SLC39A11: variants seen among roughly 807,000 people sequenced by gnomAD.
SLC39A11 encodes the protein solute carrier family 39 member 11.
A neutral mutation model predicts 36.1 loss-of-function variants in SLC39A11; 33 were observed. The ratio of observed to expected loss-of-function variants is 0.91; its 90% CI spans 0.69 to 1.22. The LOEUF is 1.22. Ranked by LOEUF, SLC39A11 falls within the 50% of genes most tolerant of loss-of-function variation. The probability of loss-of-function intolerance (pLI) is 0.00; values close to 1 mark genes in which losing one functional copy is unlikely to be tolerated. For missense variants in SLC39A11, 432 were observed against 430.3 expected (o/e 1.00, Z -0.03); for synonymous variants, 166 against 170.3 (o/e 0.97, Z 0.20).
intron 6 of SLC39A11, among the ~76,000 whole-genome samples, chr17:72,811,079 A>AC (rs1314184061): frequency 2.6e-5 from 4 of 152,234 alleles, no homozygotes; most frequent in African/African-American, 4.8e-5. Flanking sequence ...AAAAAAAAAA[A>AC]AACATTGTTT....
At chr17:72,954,033 G>A (rs566574309) in intron 4 of SLC39A11, among the ~76,000 whole-genome samples, 2 of 152,192 alleles carry the variant, frequency 1.3e-5, no homozygotes, top group South Asian at 4.1e-4. Flanking sequence ...CAGTCTCTTC[G>A]TTTTTTTAAA....
intron 6 of SLC39A11, among the ~76,000 whole-genome samples, chr17:72,805,116 G>T (rs1156538774): frequency 6.6e-6 from 1 of 152,052 alleles, no homozygotes; most frequent in Non-Finnish European, 1.5e-5. Flanking sequence ...TAAATACCAG[G>T]TCTGTTCTTA....
chr17:72,944,532 A>AACAC (rs11440745), intron 5 of SLC39A11, among the ~76,000 whole-genome samples: 2 of 151,162 alleles, frequency 1.3e-5, no homozygotes, highest in Admixed American at 6.6e-5. Flanking sequence ...TTGCCTTTCA[A>AACAC]ACACACACAC....
At chr17:72,946,679 G>T (rs2085449290) in intron 5 of SLC39A11, among the ~76,000 whole-genome samples, 1 of 152,122 alleles carries the variant, frequency 6.6e-6, no homozygotes. Flanking sequence ...TCGTCCCCGG[G>T]GTCTTGCAGG....
chr17:72,711,494 G>A (rs1046480888), intron 7 of SLC39A11, among the ~76,000 whole-genome samples: 13 of 152,204 alleles, frequency 8.5e-5, no homozygotes, highest in Non-Finnish European at 1.8e-4. Flanking sequence ...ACAGATGACC[G>A]TGGTGTCATG....
chr17:72,696,013 G>A (rs901071707), intron 7 of SLC39A11, among the ~76,000 whole-genome samples: 4 of 152,200 alleles, frequency 2.6e-5, no homozygotes, highest in Non-Finnish European at 4.4e-5. Flanking sequence ...CTAATGCAGG[G>A]GCAGGCACCA....
At chr17:72,809,798 G>T (rs769439163) in intron 6 of SLC39A11, among the ~76,000 whole-genome samples, 1 of 152,122 alleles carries the variant, frequency 6.6e-6, no homozygotes, top group Non-Finnish European at 1.5e-5. Flanking sequence ...GTTTGGGCGT[G>T]GTGGCTCACA....
At chr17:73,024,828 C>T (rs1198627715) in intron 4 of SLC39A11, among the ~76,000 whole-genome samples, 1 of 149,186 alleles carries the variant, frequency 6.7e-6, no homozygotes, top group Non-Finnish European at 1.5e-5. Flanking sequence ...CTCCTGAGTA[C>T]CTGGGATTAC....
intron 3 of SLC39A11, among the ~76,000 whole-genome samples, chr17:73,084,241 C>T (rs536989155): frequency 6.6e-6 from 1 of 152,014 alleles, no homozygotes; most frequent in Admixed American, 6.6e-5. Context: ...AGTTCAAGAC[C>T]AGCCTGGGCA....
In SLC39A11 at chr17:72,754,675, C is replaced by T. The variant is rs184209748; in HGVS notation, c.602-17956G>A. 1.9e-3 allele frequency among the ~76,000 whole-genome samples: 296 copies of T among 152,232 alleles called. 1 individual carries two copies. The highest frequency in any genetic ancestry group is 6.4e-3 in the African/African-American group (264 of 41,542). ...AACACCAGGGGTGCCGGGCCGCAGC[C>T]GGGGTGACACATGCCAGGAGCAAGT... On this transcript the variant is annotated intron_variant, in intron 6 of 9. Coordinates refer to ENST00000255559, the MANE Select transcript of SLC39A11 (RefSeq NM_139177.4).
chr17:73,053,493 T>C (rs575847581), intron 3 of SLC39A11, among the ~76,000 whole-genome samples: 2 of 152,344 alleles, frequency 1.3e-5, no homozygotes, highest in East Asian at 1.9e-4. Context: ...GCATTTGCTA[T>C]GTGTCAATTA....
At chr17:72,929,012 C>T (rs569215661) in intron 5 of SLC39A11, among the ~76,000 whole-genome samples, 1 of 152,158 alleles carries the variant, frequency 6.6e-6, no homozygotes, top group Non-Finnish European at 1.5e-5. Context: ...CAGTCTGTAG[C>T]CAGGGGTGAT....
intron 6 of SLC39A11, among the ~76,000 whole-genome samples, chr17:72,785,862 T>A (rs1307460728): frequency 6.6e-6 from 1 of 152,230 alleles, no homozygotes; most frequent in Non-Finnish European, 1.5e-5. Context: ...TAAATGCATT[T>A]CACATACAGG....
intron 6 of SLC39A11, among the ~76,000 whole-genome samples, chr17:72,765,138 CTA>C (rs1377627083): frequency 6.6e-6 from 1 of 152,184 alleles, no homozygotes; most frequent in Non-Finnish European, 1.5e-5. Context: ...TGACTACCAG[CTA>C]TCTTTCCAGA....
intron 5 of SLC39A11, among the ~76,000 whole-genome samples, chr17:72,929,070 A>G (rs755702200): frequency 7.9e-5 from 12 of 151,866 alleles, no homozygotes; most frequent in Non-Finnish European, 1.6e-4. Flanking sequence ...CACACTGCAA[A>G]GGTACCCCTT....
At chr17:72,905,559 T>G (rs185325933) in intron 5 of SLC39A11, among the ~76,000 whole-genome samples, 1,975 of 151,388 alleles carry the variant, frequency 0.013, 55 homozygotes, top group African/African-American at 0.042. Context: ...ATCTCACCAC[T>G]GCACTCCAGC....
intron 6 of SLC39A11, among the ~76,000 whole-genome samples, chr17:72,817,307 G>A (rs1018219244): frequency 1.5e-4 from 19 of 125,794 alleles, no homozygotes; most frequent in African/African-American, 5.6e-4. Context: ...AGGAAGGAAG[G>A]AAGAAAAGAA....
At chr17:72,826,926 G>A (rs2078054011) in intron 6 of SLC39A11, among the ~76,000 whole-genome samples, 2 of 152,134 alleles carry the variant, frequency 1.3e-5, no homozygotes, top group South Asian at 4.1e-4. Context: ...CATCACTTTG[G>A]AAAACAGTCT....
chr17:72,652,976 C>T (rs756871023), intron 7 of SLC39A11, among the ~76,000 whole-genome samples: 2 of 152,164 alleles, frequency 1.3e-5, no homozygotes, highest in Non-Finnish European at 2.9e-5. Flanking sequence ...CCTCCAGACC[C>T]CCCTGAGCCC....
Sources: allele counts gnomAD v4.1 joint callset (sites outside exome capture counted in the v4.1 genomes callset), GRCh38; gene constraint gnomAD v4.1.1; transcripts MANE v1.5; gene names NCBI Gene and HGNC (gene_info 2026-07-23, HGNC 2026-07-21).